ADH4: variants seen among roughly 807,000 people sequenced by gnomAD.
ADH4 encodes the protein all-trans-retinol dehydrogenase [NAD(+)] ADH4.
ADH4 carries 31 observed loss-of-function variants against 35.2 expected under a neutral mutation model. The ratio of observed to expected loss-of-function variants is 0.88; its 90% CI spans 0.66 to 1.19. The LOEUF (loss-of-function observed/expected upper bound fraction) is 1.19. Ranked by LOEUF, ADH4 falls within the 50% of genes most tolerant of loss-of-function variation. ADH4 has a pLI of 0.00. For missense variants in ADH4, 476 were observed against 458.3 expected, an observed-to-expected ratio of 1.04 and a Z score of -0.35; for synonymous variants, 171 against 160.2, an observed-to-expected ratio of 1.07 and a Z score of -0.51.
At chr4:99,143,024 A>AC (rs1206402556) in intron 1 of ADH4, 2 of 666,838 alleles carry the variant, frequency 3.0e-6, no homozygotes, top group Non-Finnish European at 5.4e-6. Context: ...TGAAAAAAAA[A>AC]CAGGTGTATT....
In ADH4 at chr4:99,136,681, C is replaced by G; in HGVS notation, c.367G>C (p.Ala123Pro). ...CGKISNLKSP[A>P]SDQQLMEDKT... ...TCTTCCATTAGTTGTTGATCACTAG[C>G]AGGACTTTTGAGATTACTAGAAAAT... The change falls in exon 5 of 9, where the codon GCT becomes CCT. Residue 123 changes from alanine to proline, a missense_variant. Transcript: ENST00000265512. 6.2e-7 allele frequency: 1 copy of G among 1,611,514 alleles called. No homozygotes were observed. Among genetic ancestry groups the G allele is most frequent in the Non-Finnish European group, 8.5e-7 (1 of 1,178,558 alleles).
Position 99,142,707 on chromosome 4 carries a change from G to GGAGCTACTTCAACCTCTTCAAT in ADH4, c.70_91dup (p.Pro31HisfsTer2). 1 of 1,600,612 alleles carries GGAGCTACTTCAACCTCTTCAAT rather than the reference G, an allele frequency of 6.2e-7. No individual in the cohort carries two copies. The highest frequency in any genetic ancestry group is 2.3e-5 in the East Asian group (1 of 44,430). On this transcript the variant is annotated stop_gained and frameshift_variant, in exon 2 of 9. Coordinates refer to ENST00000265512, the MANE Select transcript of ADH4 (RefSeq NM_000670.5). LOFTEE classifies it high-confidence loss of function. ...AATGCGAACTTCATGAGCCTTGGGG[G>GGAGCTACTTCAACCTCTTCAAT]GAGCTACTTCAACCTCTTCAATGCA...
Position 99,123,677 on chromosome 4 carries a change from A to C in ADH4, c.*765T>G, listed in dbSNP as rs575607482. Reference sequence around the variant, plus strand: ...GTAATATGGGGTGTCCATCTCCTCAAGCATTTATTTGTGTTACAAACAATC... The same window carrying C: ...GTAATATGGGGTGTCCATCTCCTCACGCATTTATTTGTGTTACAAACAATC... On this transcript the variant is annotated 3_prime_UTR_variant, in exon 9 of 9. Transcript: ENST00000265512. 18 of 152,264 alleles carry C rather than the reference A, an allele frequency of 1.2e-4. No individual in the cohort carries two copies. Among genetic ancestry groups the C allele is most frequent in the Admixed American group, 1.1e-3 (17 of 15,284 alleles). 9.4% of individuals were successfully genotyped at this position (152,264 alleles called of 1,614,324 possible).
chr4:99,137,639 AT>A (rs1211024395), intron 4 of ADH4, among the ~76,000 whole-genome samples: 1 of 152,182 alleles, frequency 6.6e-6, no homozygotes, highest in Non-Finnish European at 1.5e-5. Flanking sequence ...CTCTTAAAAC[AT>A]TTTTGTTGTG....
Position 99,141,641 on chromosome 4 carries a change from G to C in ADH4, c.162C>G (p.Ile54Met). The C allele has an allele frequency of 1.9e-6, 3 of 1,614,040 alleles. No individual in the cohort carries two copies. The highest frequency in any genetic ancestry group is 2.5e-6 in the Non-Finnish European group (3 of 1,179,968). Residue 54 changes from isoleucine to methionine, a missense_variant, in exon 3 of 9, where the codon ATC becomes ATG. Physicochemically the swap from Ile to Met is conservative, Grantham distance 10. Transcript: ENST00000265512. ...AAGCTAGGCCCTCAAATTTAGAATC[G>C]ATAACAGTGGCATCAGTATGGCACA... ...TSLCHTDATV[I>M]DSKFEGLAFP...
rs754440254 is a variant in ADH4, at chr4:99,126,618, A to G, written c.1094T>C (p.Phe365Ser). 2.5e-5 allele frequency: 40 copies of G among 1,608,502 alleles called. No homozygotes were observed. The highest frequency in any genetic ancestry group is 1.3e-4 in the South Asian group (12 of 90,446). The change falls in exon 8 of 9, where the codon TTT (phenylalanine) becomes TCT (serine). Residue 365 changes from phenylalanine to serine, a missense_variant. By Grantham distance (155) the Phe-to-Ser change is radical. Coordinates refer to ENST00000265512, the MANE Select transcript of ADH4 (RefSeq NM_000670.5). ...CCTTTTTCCTTGGTTCATTAGGTCA[A>G]ATGCCTCACTGATTTTGTCAAAAGG... The part of the protein sequence containing the change: ...TLPFDKISEA[F>S]DLMNQGKSVR...
chr4:99,127,155 A>G, intron 7 of ADH4, 54 bp downstream of exon 7: 1 of 1,457,742 alleles, frequency 6.9e-7, no homozygotes, highest in Non-Finnish European at 9.3e-7. Context: ...CACTCTAAGA[A>G]TTTCAGAACT....
intron 6 of ADH4, among the ~76,000 whole-genome samples, chr4:99,128,225 A>G (rs1729159172): frequency 6.6e-6 from 1 of 152,196 alleles, no homozygotes. Context: ...ACTTGAGATC[A>G]GGAGTTCAAG....
intron 6 of ADH4, among the ~76,000 whole-genome samples, chr4:99,130,488 A>C (rs1402503329): frequency 6.6e-6 from 1 of 152,176 alleles, no homozygotes; most frequent in African/African-American, 2.4e-5. Context: ...TGGAACCTAG[A>C]AACTTTCTAT....
At chr4:99,131,362 A>G (rs935926239) in intron 6 of ADH4, 142 bp downstream of exon 6, 1 of 942,270 alleles carries the variant, frequency 1.1e-6, no homozygotes, top group African/African-American at 1.7e-5. Context: ...GGGAATGGGA[A>G]ATGATTTGTG....
At chr4:99,140,318 AATCCCAG>A (rs1159764763) in intron 3 of ADH4, among the ~76,000 whole-genome samples, 9 of 152,236 alleles carry the variant, frequency 5.9e-5, no homozygotes, top group Non-Finnish European at 1.0e-4. Flanking sequence ...TCACATCTGT[AATCCCAG>A]TGCTTTGGGA....
intron 5 of ADH4, 143 bp from the exon 6 acceptor site, chr4:99,131,907 A>T: frequency 1.2e-6 from 1 of 821,678 alleles, no homozygotes; most frequent in South Asian, 2.1e-5. Flanking sequence ...CAATGGAGGA[A>T]ATCTGCCAAT....
intron 6 of ADH4, among the ~76,000 whole-genome samples, chr4:99,128,155 C>T (rs1208813902): frequency 6.6e-6 from 1 of 152,138 alleles, no homozygotes; most frequent in Non-Finnish European, 1.5e-5. Context: ...TTAACAAGGG[C>T]CAGGCATGGT....
At chr4:99,142,648 C>A in intron 2 of ADH4, 31 bp downstream of exon 2, 1 of 1,451,128 alleles carries the variant, frequency 6.9e-7, no homozygotes, top group Non-Finnish European at 9.2e-7. Flanking sequence ...GGGGCCCTGT[C>A]TGTTCCCACC....
chr4:99,139,315 C>T (rs780799433), intron 3 of ADH4, among the ~76,000 whole-genome samples, 167 bp from the exon 4 acceptor site: 2 of 152,148 alleles, frequency 1.3e-5, no homozygotes, highest in African/African-American at 2.4e-5. Flanking sequence ...GATTCCCCAA[C>T]GTATTGCATA....
chr4:99,137,755 C>G (rs1729492643), intron 4 of ADH4, among the ~76,000 whole-genome samples: 1 of 152,196 alleles, frequency 6.6e-6, no homozygotes, highest in South Asian at 2.1e-4. Context: ...CAGGTTTCAT[C>G]TATTATTCCT....
intron 5 of ADH4, among the ~76,000 whole-genome samples, chr4:99,136,208 T>C (rs548065354): frequency 5.9e-5 from 9 of 152,314 alleles, no homozygotes; most frequent in Non-Finnish European, 1.3e-4. Context: ...CCTAATATGT[T>C]AGTATAGTAT....
intron 7 of ADH4, 64 bp from the exon 8 acceptor site, chr4:99,126,796 T>A: frequency 6.9e-7 from 1 of 1,441,110 alleles, no homozygotes; most frequent in Non-Finnish European, 9.4e-7. Context: ...TTAATCAGCA[T>A]TTGCTGAATG....
At chr4:99,131,026 G>A (rs1461907075) in intron 6 of ADH4, among the ~76,000 whole-genome samples, 2 of 151,770 alleles carry the variant, frequency 1.3e-5, no homozygotes, top group Non-Finnish European at 2.9e-5. Flanking sequence ...TTATATCTTT[G>A]GCTAAAGAAT....
Sources: gnomAD v4.1 joint callset for allele counts (sites outside exome capture counted in the v4.1 genomes callset) on GRCh38, gnomAD v4.1.1 for gene constraint, MANE v1.5 for transcripts, NCBI Gene and HGNC (gene_info 2026-07-23, HGNC 2026-07-21) for gene names.